The following TMEM272 variants were observed in gnomAD, a reference collection of about 807,000 sequenced individuals.
The protein encoded by TMEM272 is long intergenic non-protein coding RNA 282.
Under a neutral mutation model 3.7 loss-of-function variants are expected in TMEM272, and 8 were observed. That is an observed-to-expected ratio of 2.17 (90% confidence interval 1.27 to 3.91). The LOEUF (loss-of-function observed/expected upper bound fraction) is 3.91, where lower values mean the gene tolerates loss of function less well. TMEM272 is among the 30% of genes most tolerant of loss of function. The pLI, the probability that TMEM272 is intolerant of heterozygous loss-of-function variation, is 0.00. For missense variants in TMEM272, 166 were observed against 91.5 expected, an observed-to-expected ratio of 1.81 and a Z score of -3.32; for synonymous variants, 63 against 39.8, an observed-to-expected ratio of 1.58 and a Z score of -2.20.
the TMEM272 span, among the ~76,000 whole-genome samples, chr13:51,922,087 T>A: frequency 6.6e-6 from 1 of 152,238 alleles, no homozygotes; most frequent in Non-Finnish European, 1.5e-5. Context: ...CCTGGCCTCT[T>A]GAGCAGGGAG....
chr13:51,871,670 T>C, the TMEM272 span, among the ~76,000 whole-genome samples: 2 of 152,168 alleles, frequency 1.3e-5, no homozygotes, highest in African/African-American at 4.8e-5. Flanking sequence ...ACCACCCAGC[T>C]AACCTGTTCT....
chr13:51,836,450 T>G (rs893936091), intron 2 of TMEM272, among the ~76,000 whole-genome samples: 3 of 152,248 alleles, frequency 2.0e-5, no homozygotes, highest in Admixed American at 2.0e-4. Flanking sequence ...GATGTTGACA[T>G]TTTTGAAGAA....
At chr13:51,884,126 T>C in the TMEM272 span, among the ~76,000 whole-genome samples, 1 of 152,090 alleles carries the variant, frequency 6.6e-6, no homozygotes, top group Non-Finnish European at 1.5e-5. Context: ...AATAAAGAGG[T>C]AGAGAATGAT....
intron 3 of TMEM272, among the ~76,000 whole-genome samples, chr13:51,823,960 T>C (rs546084303): frequency 6.6e-6 from 1 of 152,356 alleles, no homozygotes; most frequent in South Asian, 2.1e-4. Flanking sequence ...TGTTATTAAA[T>C]GGAAATACTT....
chr13:51,909,279 C>A, the TMEM272 span: 1 of 1,037,142 alleles, frequency 9.6e-7, no homozygotes, highest in South Asian at 1.3e-5. Flanking sequence ...TATAATCTTC[C>A]CTTGATAAAA....
At chr13:51,916,564 T>C in the TMEM272 span, among the ~76,000 whole-genome samples, 1 of 152,196 alleles carries the variant, frequency 6.6e-6, no homozygotes, top group African/African-American at 2.4e-5. Flanking sequence ...TGGAGCCAGG[T>C]GCTGGCTTGG....
At chr13:51,886,501 A>T in the TMEM272 span, among the ~76,000 whole-genome samples, 1 of 152,240 alleles carries the variant, frequency 6.6e-6, no homozygotes, top group East Asian at 1.9e-4. Context: ...TCACAAAGCT[A>T]GTAAAGGGCA....
chr13:51,885,018 G>A, the TMEM272 span, among the ~76,000 whole-genome samples: 1 of 152,178 alleles, frequency 6.6e-6, no homozygotes, highest in Non-Finnish European at 1.5e-5. Context: ...CCAAGTGGTT[G>A]GTGCCATGAT....
chr13:51,877,286 C>T, the TMEM272 span, among the ~76,000 whole-genome samples: 5 of 152,326 alleles, frequency 3.3e-5, no homozygotes, highest in South Asian at 1.0e-3. Context: ...TAAATGTCTA[C>T]TTCCTGCCTT....
At chr13:51,918,732 C>T in the TMEM272 span, among the ~76,000 whole-genome samples, 1 of 152,076 alleles carries the variant, frequency 6.6e-6, no homozygotes, top group South Asian at 2.1e-4. Context: ...CTCAAGTATC[C>T]TCCCACCTCA....
the TMEM272 span, among the ~76,000 whole-genome samples, chr13:51,916,231 T>TGGGCCCCTTCCA: frequency 3.3e-5 from 5 of 152,220 alleles, no homozygotes; most frequent in Non-Finnish European, 5.9e-5. Context: ...AACCCATGGC[T>TGGGCCCCTTCCA]GGGCCCCTTC....
chr13:51,866,475 C>T, the TMEM272 span, among the ~76,000 whole-genome samples: 152 of 152,286 alleles, frequency 1.0e-3, 1 homozygote, highest in African/African-American at 3.5e-3. Context: ...GTCTCCGCCA[C>T]GCTGTGGGGA....
the TMEM272 span, among the ~76,000 whole-genome samples, chr13:51,925,534 C>T: frequency 2.6e-5 from 4 of 152,044 alleles, no homozygotes; most frequent in African/African-American, 7.2e-5. Flanking sequence ...ACACACACCC[C>T]TACACACAAA....
the TMEM272 span, among the ~76,000 whole-genome samples, chr13:51,904,094 G>A: frequency 2.6e-5 from 4 of 152,128 alleles, no homozygotes; most frequent in Non-Finnish European, 4.4e-5. Context: ...GGGATGCTAG[G>A]CATGAGGTGG....
At chr13:51,923,425 A>T in the TMEM272 span, among the ~76,000 whole-genome samples, 10 of 152,164 alleles carry the variant, frequency 6.6e-5, no homozygotes, top group Non-Finnish European at 1.5e-4. Flanking sequence ...TGGCTTGTTA[A>T]GGCCAGGAAA....
At chr13:51,903,732 C>T in the TMEM272 span, among the ~76,000 whole-genome samples, 1 of 152,156 alleles carries the variant, frequency 6.6e-6, no homozygotes, top group Non-Finnish European at 1.5e-5. Context: ...ATGAAAAAGA[C>T]TCGTGTGGGT....
the TMEM272 span, chr13:51,866,240 G>C: frequency 6.4e-6 from 4 of 621,064 alleles, no homozygotes; most frequent in South Asian, 1.2e-4. Context: ...CAACTTATTT[G>C]AGGAAGGCTG....
At chr13:51,900,806 A>ACATGTATCAGTACATGTAG in the TMEM272 span, among the ~76,000 whole-genome samples, 1 of 152,272 alleles carries the variant, frequency 6.6e-6, no homozygotes, top group African/African-American at 2.4e-5. Context: ...TATTACTGAT[A>ACATGTATCAGTACATGTAG]CATGCTACAA....
chr13:51,823,367 T>G (rs997183617), intron 3 of TMEM272, among the ~76,000 whole-genome samples: 20 of 152,274 alleles, frequency 1.3e-4, no homozygotes, highest in African/African-American at 4.6e-4. Context: ...CCTGAGCCAC[T>G]GTGCCCAGCC....
Sources: allele counts gnomAD v4.1 joint callset (sites outside exome capture counted in the v4.1 genomes callset), GRCh38; gene constraint gnomAD v4.1.1; transcripts MANE v1.5; gene names NCBI Gene and HGNC (gene_info 2026-07-23, HGNC 2026-07-21).